The following M1AP variants were observed in gnomAD, a reference collection of about 807,000 sequenced individuals.
M1AP encodes the protein meiosis 1 arrest protein.
In M1AP, 39 loss-of-function variants were observed where a neutral mutation model predicts 51.2. The ratio of observed to expected loss-of-function variants is 0.76; its 90% CI spans 0.59 to 1.00. The LOEUF (loss-of-function observed/expected upper bound fraction) is 1.00. Among genes scored for constraint, M1AP ranks in the 50% least tolerant of loss-of-function variants. The pLI is 0.00. For synonymous variants in M1AP, 251 were observed against 249.2 expected (o/e 1.01, Z -0.07); for missense variants, 545 against 641.2 (o/e 0.85, Z 1.62).
chr2:74,577,028 TC>T, intron 5 of M1AP: 5 of 432,108 alleles, frequency 1.2e-5, no homozygotes, highest in Non-Finnish European at 1.6e-5. Flanking sequence ...CAGAAGGAAA[TC>T]TTGCTTCTGC....
intron 1 of M1AP, 102 bp from the exon 2 acceptor site, chr2:74,640,429 CA>C: frequency 1.0e-6 from 1 of 971,936 alleles, no homozygotes; most frequent in Non-Finnish European, 1.5e-6. Context: ...AGAAAGGAGT[CA>C]GATTGGGTAC....
At chr2:74,624,695 G>A (rs1682270996) in intron 2 of M1AP, among the ~76,000 whole-genome samples, 1 of 152,136 alleles carries the variant, frequency 6.6e-6, no homozygotes, top group South Asian at 2.1e-4. Context: ...AAAAGGATAT[G>A]TAATTCTATC....
At chr2:74,564,050 C>T (rs1678214767) in intron 7 of M1AP, among the ~76,000 whole-genome samples, 1 of 152,068 alleles carries the variant, frequency 6.6e-6, no homozygotes, top group Admixed American at 6.5e-5. Flanking sequence ...GAAGAAAACA[C>T]ATGAGTTCTG....
intron 2 of M1AP, among the ~76,000 whole-genome samples, chr2:74,630,222 C>T (rs1304518467): frequency 6.6e-6 from 1 of 152,182 alleles, no homozygotes; most frequent in Non-Finnish European, 1.5e-5. Flanking sequence ...TAGGCATGAG[C>T]CACCTCACCA....
chr2:74,603,651 A>G (rs1680800624), intron 4 of M1AP, among the ~76,000 whole-genome samples: 1 of 152,198 alleles, frequency 6.6e-6, no homozygotes, highest in African/African-American at 2.4e-5. Flanking sequence ...AGGGATGGAG[A>G]TAGAAAGGAC....
chr2:74,647,795 TGAGGCGGAGAATCACTTGAACCCGG>T (rs1456279032), intron 1 of M1AP, among the ~76,000 whole-genome samples: 1 of 152,150 alleles, frequency 6.6e-6, no homozygotes, highest in East Asian at 1.9e-4. Flanking sequence ...CTCGAGAAGC[TGAGGCGGAGAATCACTTGAACCCGG>T]GAGGCGGAGG....
intron 8 of M1AP, among the ~76,000 whole-genome samples, chr2:74,561,118 GAGGAGGAGAAGGAGGAGGAGGAGA>G (rs1677923309): frequency 1.5e-5 from 2 of 131,768 alleles, no homozygotes; most frequent in African/African-American, 5.9e-5. Context: ...GGAGAAGGAG[GAGGAGGAGAAGGAGGAGGAGGAGA>G]AGGAGGAGGA....
chr2:74,648,322 C>T lies in M1AP; in HGVS notation c.-110G>A, dbSNP rs1683724960. 7.1e-6 allele frequency: 7 copies of T among 985,592 alleles called. No homozygotes were observed. The highest frequency in any genetic ancestry group is 5.2e-4 in the Middle Eastern group (1 of 1,912). 61.1% of individuals were successfully genotyped at this position (985,592 alleles called of 1,614,324 possible). A position where few individuals can be genotyped will look rare whatever the true frequency, so the allele number is the denominator to read the frequency against. On this transcript the variant is annotated 5_prime_UTR_variant, in exon 1 of 11. Coordinates refer to ENST00000421985, the MANE Select transcript of M1AP (RefSeq NM_001321739.2). ...GTCCTCCCGGCTCTCAGCGTGCGCCCGCGCGTTCGGAGGCGCCCCCCTCAG... is the reference window on the plus strand; with the variant it reads ...GTCCTCCCGGCTCTCAGCGTGCGCCTGCGCGTTCGGAGGCGCCCCCCTCAG...
At chr2:74,646,369 G>T (rs927005272) in intron 1 of M1AP, among the ~76,000 whole-genome samples, 2 of 152,242 alleles carry the variant, frequency 1.3e-5, no homozygotes, top group Non-Finnish European at 2.9e-5. Flanking sequence ...CTGACTATGA[G>T]AGTGTTGACA....
At chr2:74,609,108 T>C (rs868551896) in intron 3 of M1AP, among the ~76,000 whole-genome samples, 1 of 152,208 alleles carries the variant, frequency 6.6e-6, no homozygotes, top group Non-Finnish European at 1.5e-5. Flanking sequence ...TTTTGAAATA[T>C]ACATTACTGT....
rs757231810 is a variant in M1AP at position 74,575,523 on chromosome 2, A to G, written c.989T>C (p.Leu330Pro). ...ESLTYGLPFI[L>P]RPTSCWQLDW... ...CAGCTGCCAACAGCTTGTAGGTCTG[A>G]GGATGAACGGGAGTCCATATGTCAA... is the stretch of plus-strand genomic sequence containing the variant. Residue 330 changes from leucine (L) to proline (P), a missense_variant, in exon 7 of 11, where the codon CTC becomes CCC. Physicochemically the swap from Leu to Pro is moderately conservative, Grantham distance 98. Coordinates refer to ENST00000421985, the MANE Select transcript of M1AP (RefSeq NM_001321739.2). 1 of 1,614,204 alleles carries G rather than the reference A, an allele frequency of 6.2e-7. No homozygotes were observed. Among genetic ancestry groups the G allele is most frequent in the South Asian group, 1.1e-5 (1 of 91,090 alleles).
chr2:74,558,641 GACCACA>G lies in M1AP; in HGVS notation c.*69_*74del. ...GCTCAGGCGGATAGAGAGCAAGTCT[GACCACA>G]GATAGCCATTATGTGAACCTGAGCA... On this transcript the variant is annotated 3_prime_UTR_variant, in exon 11 of 11. Transcript: ENST00000421985. The G allele has an allele frequency of 1.3e-6, 2 of 1,554,772 alleles. No individual in the cohort carries two copies. The highest frequency in any genetic ancestry group is 1.9e-4 in the Middle Eastern group (1 of 5,172).
chr2:74,582,316 C>A (rs191084326), intron 4 of M1AP, among the ~76,000 whole-genome samples: 1 of 152,138 alleles, frequency 6.6e-6, no homozygotes, highest in Non-Finnish European at 1.5e-5. Context: ...GAGCAGTACA[C>A]AAAGGCATAT....
intron 5 of M1AP, chr2:74,576,929 C>T (rs1679109133): frequency 2.7e-6 from 3 of 1,109,358 alleles, no homozygotes; most frequent in Non-Finnish European, 3.3e-6. Flanking sequence ...CATAGTGAGA[C>T]ATCTGGCTTG....
At chr2:74,565,569 C>G (rs1678321277) in intron 7 of M1AP, among the ~76,000 whole-genome samples, 1 of 152,074 alleles carries the variant, frequency 6.6e-6, no homozygotes, top group African/African-American at 2.4e-5. Flanking sequence ...TGGCTCACAC[C>G]TGTAATCCTA....
intron 4 of M1AP, among the ~76,000 whole-genome samples, chr2:74,603,217 C>T (rs1680772358): frequency 6.6e-6 from 1 of 152,108 alleles, no homozygotes; most frequent in African/African-American, 2.4e-5. Context: ...AGAGTAGCCT[C>T]CATGGGTATC....
At chr2:74,590,027 C>T (rs1679948229) in intron 4 of M1AP, among the ~76,000 whole-genome samples, 2 of 152,178 alleles carry the variant, frequency 1.3e-5, no homozygotes, top group South Asian at 4.1e-4. Context: ...CATTCAAAGC[C>T]GTCCTGGGCT....
At chr2:74,573,488 G>A (rs1250432733) in intron 7 of M1AP, among the ~76,000 whole-genome samples, 1 of 152,032 alleles carries the variant, frequency 6.6e-6, no homozygotes, top group Non-Finnish European at 1.5e-5. Context: ...GAGTAGCTGG[G>A]ATTAGAGGTG....
At chr2:74,580,015 A>C (rs1679308475) in intron 5 of M1AP, among the ~76,000 whole-genome samples, 1 of 152,100 alleles carries the variant, frequency 6.6e-6, no homozygotes, top group Non-Finnish European at 1.5e-5. Flanking sequence ...TCTATGTTAC[A>C]CAGGCTGTCA....
Sources: gnomAD v4.1 joint callset for allele counts (sites outside exome capture counted in the v4.1 genomes callset) on GRCh38, gnomAD v4.1.1 for gene constraint, MANE v1.5 for transcripts, NCBI Gene and HGNC (gene_info 2026-07-23, HGNC 2026-07-21) for gene names.